AHDC1: variants seen among roughly 807,000 people sequenced by gnomAD.
AHDC1 encodes the protein AT-hook DNA binding motif containing 1.
AHDC1 carries 7 observed loss-of-function variants against 87.9 expected under a neutral mutation model. The observed-to-expected ratio is 0.08, with a 90% CI of 0.05 to 0.15. The LOEUF is 0.15. Among genes scored for constraint, AHDC1 ranks in the 10% least tolerant of loss-of-function variants. AHDC1 has a pLI of 1.00. For missense variants in AHDC1, 1,841 were observed against 2,253.2 expected, an observed-to-expected ratio of 0.82 and a Z score of 3.70; for synonymous variants, 1,051 against 1,006.8, an observed-to-expected ratio of 1.04 and a Z score of -0.83.
chr1:27,536,971 G>A (rs1406509305), intron 8 of AHDC1, among the ~76,000 whole-genome samples: 1 of 151,984 alleles, frequency 6.6e-6, no homozygotes, highest in Non-Finnish European at 1.5e-5. Context: ...CGGTGCCTGC[G>A]GCCAGGCAGC....
rs906678524 is a variant in AHDC1 at position 27,590,476 on chromosome 1, C to T, written c.-629+12921G>A. On this transcript the variant is annotated intron_variant, in intron 3 of 8. Coordinates refer to ENST00000673934, the MANE Select transcript of AHDC1 (RefSeq NM_001371928.1). The surrounding 1 kb of genome is among the most constrained non-coding windows in gnomAD (Gnocchi z 5.4). ...AGAAAGTATTCCCAGGCCAGCCACCCAGCACCACCCACCCCCACCACCCCT... is the reference window on the plus strand; with the variant it reads ...AGAAAGTATTCCCAGGCCAGCCACCTAGCACCACCCACCCCCACCACCCCT... 6.6e-6 allele frequency among the ~76,000 whole-genome samples: 1 copy of T among 152,176 alleles called. No individual in the cohort carries two copies. Among genetic ancestry groups the T allele is most frequent in the East Asian group, 1.9e-4 (1 of 5,180 alleles).
intron 3 of AHDC1, among the ~76,000 whole-genome samples, chr1:27,569,161 T>G (rs1335233203): frequency 6.6e-6 from 1 of 150,396 alleles, no homozygotes; most frequent in Non-Finnish European, 1.5e-5. Flanking sequence ...TTCTGGAAAC[T>G]GTCTTCTCCC....
Position 27,550,145 on chromosome 1 carries a change from G to A in AHDC1, c.1971C>T (p.His657=). 6.2e-7 allele frequency: 1 copy of A among 1,611,024 alleles called. No homozygotes were observed. The highest frequency in any genetic ancestry group is 1.1e-5 in the South Asian group (1 of 91,078). Residue 657 remains histidine (H), a synonymous_variant, in exon 8 of 9, where the codon CAC becomes CAT. Coordinates refer to ENST00000673934, the MANE Select transcript of AHDC1 (RefSeq NM_001371928.1). ...GGAAGCCCTGCACACGATGCAGGAA[G>A]TGGGAGATGCTCTGGGTGTCGGGGG... ...HQAPDTQSIS[H]FLHRVQGFRR... is the part of the protein sequence containing the mutation.
At chr1:27,584,497 A>G (rs2088991653) in intron 3 of AHDC1, among the ~76,000 whole-genome samples, 1 of 152,220 alleles carries the variant, frequency 6.6e-6, no homozygotes, top group African/African-American at 2.4e-5. Flanking sequence ...TCTTTAAATG[A>G]CATGATTTTT....
At chr1:27,537,241 C>T (rs1393734050) in intron 8 of AHDC1, among the ~76,000 whole-genome samples, 1 of 152,168 alleles carries the variant, frequency 6.6e-6, no homozygotes, top group Non-Finnish European at 1.5e-5. Flanking sequence ...ACTAACGTGC[C>T]AGGCAGCCCA....
intron 8 of AHDC1, among the ~76,000 whole-genome samples, chr1:27,544,180 G>T (rs2019064107): frequency 6.6e-6 from 1 of 152,136 alleles, no homozygotes. Flanking sequence ...GCAGGGGGTT[G>T]TGGTGGGGAG....
rs2020115587 is a variant in AHDC1, at chr1:27,562,153, G to A, written c.-628-3270C>T. 6.6e-6 allele frequency among the ~76,000 whole-genome samples: 1 copy of A among 152,118 alleles called. No individual in the cohort carries two copies. Among genetic ancestry groups the A allele is most frequent in the South Asian group, 2.1e-4 (1 of 4,828 alleles). On this transcript the variant is annotated intron_variant, in intron 3 of 8. Transcript: ENST00000673934. The surrounding 1 kb of genome is among the most constrained non-coding windows in gnomAD (Gnocchi z 4.4). Reference sequence around the variant, plus strand: ...AAGGGCCGAGGGGAGGCCTGTGTGGGCAGTAGACAGGCCAGAGCTGGGATG... The same window carrying A: ...AAGGGCCGAGGGGAGGCCTGTGTGGACAGTAGACAGGCCAGAGCTGGGATG...
Position 27,565,671 on chromosome 1 carries a change from A to G in AHDC1, c.-628-6788T>C, listed in dbSNP as rs920142813. 1.2e-4 allele frequency among the ~76,000 whole-genome samples: 18 copies of G among 152,222 alleles called. No individual in the cohort carries two copies. Among genetic ancestry groups the G allele is most frequent in the African/African-American group, 4.1e-4 (17 of 41,460 alleles). On this transcript the variant is annotated intron_variant, in intron 3 of 8. Coordinates refer to ENST00000673934, the MANE Select transcript of AHDC1 (RefSeq NM_001371928.1). This position sits in a 1 kb window ranked among gnomAD's most constrained non-coding sequence, Gnocchi z 4.6. ...CTTTAAAGAAGTCAGACATGAAGCAAGGATAGTATCCCTATACCATCTGGG... is the reference window on the plus strand; with the variant it reads ...CTTTAAAGAAGTCAGACATGAAGCAGGGATAGTATCCCTATACCATCTGGG...
At chr1:27,596,619 C>G (rs149528245) in intron 3 of AHDC1, among the ~76,000 whole-genome samples, 2 of 152,218 alleles carry the variant, frequency 1.3e-5, no homozygotes, top group African/African-American at 4.8e-5. Flanking sequence ...CTGAACTACA[C>G]CCTCATATCT....
rs769167103 is a variant in AHDC1, at chr1:27,548,126, C to A, written c.3990G>T (p.Ser1330=). 2.5e-6 allele frequency: 4 copies of A among 1,613,762 alleles called. No individual in the cohort carries two copies. Among genetic ancestry groups the A allele is most frequent in the Middle Eastern group, 1.6e-4 (1 of 6,084 alleles). ...DSSMSPLPSQ[S]RAFGVGERDP... ...CTCGCTCTCCCACGCCGAAGGCCCTCGACTGTGAGGGCAGTGGTGACATGC... is the reference window on the plus strand; with the variant it reads ...CTCGCTCTCCCACGCCGAAGGCCCTAGACTGTGAGGGCAGTGGTGACATGC... The change falls in exon 8 of 9, where the codon TCG becomes TCT. Residue 1330 remains serine (S), a synonymous_variant. Coordinates refer to ENST00000673934, the MANE Select transcript of AHDC1 (RefSeq NM_001371928.1).
chr1:27,559,340 G>A (rs1206334220), intron 3 of AHDC1, among the ~76,000 whole-genome samples: 3 of 152,162 alleles, frequency 2.0e-5, no homozygotes, highest in Non-Finnish European at 4.4e-5. Flanking sequence ...GCAGGTATGA[G>A]CCACTGCACC....
intron 8 of AHDC1, among the ~76,000 whole-genome samples, chr1:27,542,836 G>C (rs1368034479): frequency 6.6e-6 from 1 of 152,222 alleles, no homozygotes; most frequent in Non-Finnish European, 1.5e-5. Context: ...TGAGGGCTCA[G>C]AACAAGGCCT....
intron 3 of AHDC1, among the ~76,000 whole-genome samples, chr1:27,582,602 G>C (rs1020609318): frequency 1.6e-4 from 24 of 152,192 alleles, no homozygotes; most frequent in African/African-American, 5.8e-4. Context: ...CTCCTTGAGG[G>C]CAGGGATTTG....
intron 3 of AHDC1, among the ~76,000 whole-genome samples, chr1:27,587,901 A>C (rs141869744): frequency 6.6e-6 from 1 of 152,060 alleles, no homozygotes; most frequent in Non-Finnish European, 1.5e-5. Flanking sequence ...ACCCTAATTG[A>C]ATCTCCTCTC....
intron 3 of AHDC1, among the ~76,000 whole-genome samples, chr1:27,585,593 C>A (rs910339078): frequency 3.3e-5 from 5 of 152,170 alleles, no homozygotes; most frequent in Non-Finnish European, 7.3e-5. Context: ...AGCCCCTGTT[C>A]CAAACAGATA....
intron 5 of AHDC1, among the ~76,000 whole-genome samples, chr1:27,554,050 C>T (rs918013673): frequency 4.6e-5 from 7 of 152,164 alleles, no homozygotes; most frequent in African/African-American, 1.7e-4. Flanking sequence ...GCCTGGGCAG[C>T]AGAGTGAGAT....
intron 8 of AHDC1, among the ~76,000 whole-genome samples, chr1:27,539,902 C>A (rs564822688): frequency 6.6e-6 from 1 of 152,132 alleles, no homozygotes; most frequent in Non-Finnish European, 1.5e-5. Flanking sequence ...TGTGTCTCTA[C>A]CACCTCTCAG....
intron 3 of AHDC1, among the ~76,000 whole-genome samples, chr1:27,580,668 T>C (rs905609202): frequency 6.6e-6 from 1 of 152,246 alleles, no homozygotes; most frequent in East Asian, 1.9e-4. Context: ...ATTTCACAGG[T>C]TGTTGTATAG....
intron 8 of AHDC1, among the ~76,000 whole-genome samples, chr1:27,544,643 CCTT>C (rs1440647085): frequency 6.6e-6 from 1 of 152,216 alleles, no homozygotes; most frequent in African/African-American, 2.4e-5. Context: ...TTGCCACTCT[CCTT>C]CTCTGTATCT....
Sources: gnomAD v4.1 joint callset for allele counts (sites outside exome capture counted in the v4.1 genomes callset) on GRCh38, gnomAD v4.1.1 for gene constraint, Gnocchi (gnomAD v3.1) non-coding constraint, MANE v1.5 for transcripts, NCBI Gene and HGNC (gene_info 2026-07-23, HGNC 2026-07-21) for gene names.